The following RIPOR2 variants were observed in gnomAD, a reference collection of about 807,000 sequenced individuals.
RIPOR2 encodes rho family-interacting cell polarization regulator 2.
In RIPOR2, 39 loss-of-function variants were observed where a neutral mutation model predicts 114.5. The observed-to-expected ratio is 0.34, with a 90% CI of 0.26 to 0.44. The LOEUF (loss-of-function observed/expected upper bound fraction) is 0.44. Among genes scored for constraint, RIPOR2 ranks in the 20% least tolerant of loss-of-function variants. The pLI is 1.00. For missense variants in RIPOR2, 1,007 were observed against 1,255.1 expected (o/e 0.80, Z 2.99); for synonymous variants, 445 against 484.4 (o/e 0.92, Z 1.07).
intron 1 of RIPOR2, among the ~76,000 whole-genome samples, chr6:24,913,936 C>A (rs2747675): frequency 0.36 from 54,117 of 151,942 alleles, 9,835 homozygotes; most frequent in South Asian, 0.43. Flanking sequence ...GAGACACTTG[C>A]ATTGCTCTTT....
chr6:24,947,943 A>G (rs1031028683), intron 1 of RIPOR2: 3 of 152,186 alleles, frequency 2.0e-5, no homozygotes, highest in South Asian at 2.1e-4. Flanking sequence ...CCACGCTCTT[A>G]TAATTATTTT....
At chr6:24,844,385 C>T (rs1336524801) in intron 12 of RIPOR2, among the ~76,000 whole-genome samples, 1 of 151,908 alleles carries the variant, frequency 6.6e-6, no homozygotes, top group Non-Finnish European at 1.5e-5. Context: ...GTGCTGTGGT[C>T]TGTGTATAAT....
chr6:24,923,513 T>C (rs2114115189), intron 1 of RIPOR2, among the ~76,000 whole-genome samples: 1 of 152,300 alleles, frequency 6.6e-6, no homozygotes, highest in East Asian at 1.9e-4. Flanking sequence ...TTCCTAACTC[T>C]TTTCAATAGC....
intron 1 of RIPOR2, among the ~76,000 whole-genome samples, chr6:25,031,752 A>ATG (rs1776986900): frequency 9.1e-5 from 10 of 109,370 alleles, no homozygotes; most frequent in Admixed American, 1.9e-4. Context: ...TATATATATA[A>ATG]AATATCCATA....
chr6:24,887,455 T>C (rs532880054), intron 1 of RIPOR2, among the ~76,000 whole-genome samples: 69 of 152,348 alleles, frequency 4.5e-4, no homozygotes, highest in African/African-American at 1.4e-3. Context: ...AGATAACATA[T>C]GTAAAAGACT....
intron 1 of RIPOR2, among the ~76,000 whole-genome samples, chr6:24,930,390 T>C (rs1771291341): frequency 1.3e-5 from 2 of 152,204 alleles, no homozygotes; most frequent in South Asian, 2.1e-4. Flanking sequence ...AAAATAAACA[T>C]CTAAAATGTT....
upstream of RIPOR2, among the ~76,000 whole-genome samples, chr6:24,939,738 C>G (rs1413702455): frequency 1.3e-5 from 2 of 152,176 alleles, no homozygotes; most frequent in African/African-American, 2.4e-5. Flanking sequence ...AAGAATCTTG[C>G]TTTTCAGTGA....
In RIPOR2 at chr6:24,869,101, A is replaced by G. The variant is rs778910745; in HGVS notation, c.494T>C (p.Ile165Thr). The change falls in exon 6 of 22, where the codon ATA becomes ACA. Residue 165 changes from isoleucine to threonine, a missense_variant. Coordinates refer to ENST00000643898, the MANE Select transcript of RIPOR2 (RefSeq NM_001286445.3). ...ERYMRRLEFH[I>T]SKVDELYEAY... The stretch of plus-strand genomic sequence containing the variant: ...AACAGGAATTTCAGTTACCTTACTT[A>G]TATGAAACTCCAGGCGTCTCATGTA... 9 of 1,573,854 alleles carry G rather than the reference A, an allele frequency of 5.7e-6. No individual in the cohort carries two copies. The highest frequency in any genetic ancestry group is 7.8e-6 in the Non-Finnish European group (9 of 1,151,630).
chr6:24,838,585 A>G (rs1485787374), intron 14 of RIPOR2, among the ~76,000 whole-genome samples: 2 of 152,154 alleles, frequency 1.3e-5, no homozygotes, highest in African/African-American at 2.4e-5. Flanking sequence ...TGAGGTCAGG[A>G]GTTCAAGACC....
chr6:24,968,428 C>T (rs892141157), intron 1 of RIPOR2, among the ~76,000 whole-genome samples: 14 of 152,084 alleles, frequency 9.2e-5, no homozygotes, highest in Admixed American at 2.0e-4. Flanking sequence ...GTGGACGCCC[C>T]GTGTATACCC....
intron 7 of RIPOR2, among the ~76,000 whole-genome samples, chr6:24,861,331 G>T (rs1764049940): frequency 6.6e-6 from 1 of 152,158 alleles, no homozygotes; most frequent in Admixed American, 6.5e-5. Flanking sequence ...CTACAAAAAG[G>T]CAGTATCATA....
At chr6:24,842,765 A>C in intron 13 of RIPOR2, 97 bp downstream of exon 13, 1 of 599,578 alleles carries the variant, frequency 1.7e-6, no homozygotes, top group Non-Finnish European at 2.6e-6. Flanking sequence ...GTGATTGGAC[A>C]GGATTTTTTT....
intron 14 of RIPOR2, among the ~76,000 whole-genome samples, chr6:24,837,660 T>G (rs924540562): frequency 2.6e-5 from 4 of 151,916 alleles, no homozygotes; most frequent in Non-Finnish European, 4.4e-5. Flanking sequence ...TCCTCTGGCC[T>G]TGGCTTCCCA....
chr6:24,942,773 T>C (rs1017590845), intron 1 of RIPOR2, among the ~76,000 whole-genome samples: 2 of 152,224 alleles, frequency 1.3e-5, no homozygotes, highest in Non-Finnish European at 2.9e-5. Flanking sequence ...TGTTTTTTTC[T>C]TGTAAATTTG....
At chr6:24,856,945 A>G (rs201479754) in intron 8 of RIPOR2, among the ~76,000 whole-genome samples, 1 of 89,190 alleles carries the variant, frequency 1.1e-5, no homozygotes, top group Non-Finnish European at 2.8e-5. Flanking sequence ...ATCTGAAGAA[A>G]ACAATGTGAG....
At chr6:25,011,008 C>T (rs1018428078) in intron 1 of RIPOR2, among the ~76,000 whole-genome samples, 2 of 152,282 alleles carry the variant, frequency 1.3e-5, no homozygotes, top group East Asian at 1.9e-4. Context: ...TGGGACCCTG[C>T]TTGAGTCTGT....
At chr6:24,847,806 C>T (rs1350085417) in intron 12 of RIPOR2, 3 of 1,200,076 alleles carry the variant, frequency 2.5e-6, no homozygotes, top group East Asian at 2.6e-5. Context: ...TTTATATGCA[C>T]TTCTTTAAAA....
chr6:24,907,071 C>G (rs778241532), intron 1 of RIPOR2, among the ~76,000 whole-genome samples: 1 of 152,186 alleles, frequency 6.6e-6, no homozygotes, highest in Non-Finnish European at 1.5e-5. Context: ...CAGAGTTGAA[C>G]TTAAAATCCA....
intron 1 of RIPOR2, among the ~76,000 whole-genome samples, chr6:24,904,092 G>A (rs1419243627): frequency 6.6e-6 from 1 of 152,218 alleles, no homozygotes; most frequent in Non-Finnish European, 1.5e-5. Context: ...GCACAAGATT[G>A]AAGGTAGAAG....
Sources: gnomAD v4.1 joint callset for allele counts (sites outside exome capture counted in the v4.1 genomes callset) on GRCh38, gnomAD v4.1.1 for gene constraint, MANE v1.5 for transcripts, NCBI Gene and HGNC (gene_info 2026-07-23, HGNC 2026-07-21) for gene names.